The following ANO1 variants were observed in gnomAD, a reference collection of about 807,000 sequenced individuals.
The protein encoded by ANO1 is anoctamin 1, also known as anoctamin-1.
A neutral mutation model predicts 124.0 loss-of-function variants in ANO1; 59 were observed. That is an observed-to-expected ratio of 0.48 (90% CI 0.39 to 0.59). The LOEUF is 0.59. ANO1 is among the 20% of genes least tolerant of loss of function. ANO1 has a pLI of 0.00. For missense variants in ANO1, 1,059 were observed against 1,328.0 expected (o/e 0.80, Z 3.15); for synonymous variants, 529 against 532.0 (o/e 0.99, Z 0.08).
At chr11:70,110,633 C>T (rs911625102) in intron 6 of ANO1, among the ~76,000 whole-genome samples, 1 of 151,994 alleles carries the variant, frequency 6.6e-6, no homozygotes, top group Non-Finnish European at 1.5e-5. Context: ...AAGGGGATTT[C>T]GGGAGGTCAT....
At chr11:70,087,516 A>C (rs1417293918) in intron 1 of ANO1, among the ~76,000 whole-genome samples, 2 of 152,118 alleles carry the variant, frequency 1.3e-5, no homozygotes, top group African/African-American at 4.8e-5. Flanking sequence ...CACCTTCATG[A>C]ATGATTAGCA....
chr11:70,164,671 T>C (rs1205251840), intron 19 of ANO1, among the ~76,000 whole-genome samples: 1 of 152,156 alleles, frequency 6.6e-6, no homozygotes, highest in African/African-American at 2.4e-5. Flanking sequence ...CCAGCCCACA[T>C]AGGTTTCTGA....
At chr11:69,970,568 C>A in the ANO1 span, among the ~76,000 whole-genome samples, 3 of 152,170 alleles carry the variant, frequency 2.0e-5, no homozygotes, top group Admixed American at 6.5e-5. Context: ...AACTCTGTGA[C>A]CTCGGGAAGG....
In ANO1 at chr11:70,187,782, G is replaced by A. The variant is rs772962280; in HGVS notation, c.2739G>A (p.Pro913=). The change falls in exon 26 of 26, where the codon CCG becomes CCA. Residue 913 remains proline (P), a synonymous_variant. Transcript: ENST00000355303. ...FMSDFVDWVI[P]DIPKDISQQI... ...GCGACTTTGTGGACTGGGTCATCCC[G>A]GACATCCCCAAGGACATCAGCCAGC... 25 of 1,609,458 alleles carry A rather than the reference G, an allele frequency of 1.6e-5. No homozygotes were observed. The highest frequency in any genetic ancestry group is 1.0e-4 in the Admixed American group (6 of 59,408).
intron 1 of ANO1, among the ~76,000 whole-genome samples, chr11:70,025,671 ATGG>A (rs534473732): frequency 4.4e-4 from 65 of 148,164 alleles, no homozygotes; most frequent in African/African-American, 1.4e-3. Context: ...GACAATAATG[ATGG>A]TGGTGGTGGT....
chr11:70,013,001 G>A (rs111230890), intron 1 of ANO1, among the ~76,000 whole-genome samples: 2,028 of 152,294 alleles, frequency 0.013, 26 homozygotes, highest in East Asian at 0.033. Context: ...TGAGAGGGGC[G>A]CAATGAAGGA....
rs760485998 is a variant in ANO1 at position 70,126,088 on chromosome 11, G to A, written c.990G>A (p.Leu330=). 2 of 1,612,454 alleles carry A rather than the reference G, an allele frequency of 1.2e-6. No individual in the cohort carries two copies. The highest frequency in any genetic ancestry group is 3.3e-5 in the Admixed American group (2 of 59,866). ...AGTATTTTGGGGAGAAGATCGGCCT[G>A]TACTTCGCCTGGCTGGGCGTGTACA... ...VRKYFGEKIG[L]YFAWLGVYTQ... Residue 330 remains leucine (L), a synonymous_variant, in exon 10 of 26, where the codon CTG becomes CTA. Coordinates refer to ENST00000355303, the MANE Select transcript of ANO1 (RefSeq NM_018043.7).
chr11:69,981,987 A>G (rs1554996261), upstream of ANO1, among the ~76,000 whole-genome samples: 1 of 152,238 alleles, frequency 6.6e-6, no homozygotes, highest in Non-Finnish European at 1.5e-5. Context: ...GGATAAATCC[A>G]TAGAGACAGA....
intron 11 of ANO1, among the ~76,000 whole-genome samples, chr11:70,147,934 G>C (rs777281466): frequency 3.9e-5 from 6 of 152,156 alleles, no homozygotes; most frequent in Non-Finnish European, 7.3e-5. Context: ...TCAGGATTAA[G>C]TTACTCCGCT....
At chr11:70,023,231 C>T (rs1856837194) in intron 1 of ANO1, among the ~76,000 whole-genome samples, 1 of 152,232 alleles carries the variant, frequency 6.6e-6, no homozygotes, top group Non-Finnish European at 1.5e-5. Context: ...GAAATGCATG[C>T]CATGGCTCTG....
At chr11:70,136,003 G>A (rs1314009183) in intron 11 of ANO1, among the ~76,000 whole-genome samples, 4 of 152,216 alleles carry the variant, frequency 2.6e-5, no homozygotes, top group African/African-American at 4.8e-5. Context: ...GCCACAGAAC[G>A]AGCCCCTCCC....
At chr11:70,022,910 C>T (rs917081893) in intron 1 of ANO1, among the ~76,000 whole-genome samples, 5 of 152,062 alleles carry the variant, frequency 3.3e-5, no homozygotes, top group Non-Finnish European at 5.9e-5. Flanking sequence ...TAAGAGGAGG[C>T]AGGGGAAGCA....
At chr11:69,966,505 C>T in the ANO1 span, among the ~76,000 whole-genome samples, 3 of 152,180 alleles carry the variant, frequency 2.0e-5, no homozygotes, top group African/African-American at 7.2e-5. Flanking sequence ...GGAGGTGCTG[C>T]GTCGCCGGGT....
At chr11:69,966,374 C>T in the ANO1 span, among the ~76,000 whole-genome samples, 1 of 152,204 alleles carries the variant, frequency 6.6e-6, no homozygotes, top group Non-Finnish European at 1.5e-5. Context: ...TTAACCCACA[C>T]CTGCCACCTG....
At chr11:70,037,339 G>T (rs1288568791) in intron 1 of ANO1, among the ~76,000 whole-genome samples, 1 of 152,076 alleles carries the variant, frequency 6.6e-6, no homozygotes, top group African/African-American at 2.4e-5. Context: ...AGAAGAATTG[G>T]GATTTGGGAA....
intron 1 of ANO1, among the ~76,000 whole-genome samples, chr11:69,999,805 A>C (rs782451211): frequency 1.3e-5 from 2 of 152,144 alleles, no homozygotes; most frequent in Non-Finnish European, 2.9e-5. Context: ...CTTACTGAGG[A>C]TCAAACAGGC....
intron 6 of ANO1, among the ~76,000 whole-genome samples, chr11:70,110,928 G>A (rs1004942306): frequency 6.6e-6 from 1 of 152,276 alleles, no homozygotes; most frequent in Non-Finnish European, 1.5e-5. Context: ...GGACACACAG[G>A]CATGGTGTTT....
At chr11:70,167,491 G>A (rs527955032) in intron 21 of ANO1, 104 bp downstream of exon 21, 21 of 1,423,938 alleles carry the variant, frequency 1.5e-5, no homozygotes, top group South Asian at 8.6e-5. Context: ...CCAACCCTGC[G>A]GTGCCCAGCG....
chr11:70,064,155 G>A (rs111929988), intron 1 of ANO1: 1 of 152,214 alleles, frequency 6.6e-6, no homozygotes, highest in African/African-American at 2.4e-5. Context: ...TTGCAACCCT[G>A]GCCTGCAGGA....
Sources: gnomAD v4.1 joint callset for allele counts (sites outside exome capture counted in the v4.1 genomes callset) on GRCh38, gnomAD v4.1.1 for gene constraint, MANE v1.5 for transcripts, NCBI Gene and HGNC (gene_info 2026-07-23, HGNC 2026-07-21) for gene names.